The following SCNN1B variants were observed in gnomAD, a reference collection of about 807,000 sequenced individuals.
The protein encoded by SCNN1B is epithelial sodium channel subunit beta.
In SCNN1B, 46 loss-of-function variants were observed where a neutral mutation model predicts 65.3. That is an observed-to-expected ratio of 0.70 (90% CI 0.56 to 0.90). The LOEUF is 0.90. Among genes scored for constraint, SCNN1B ranks in the 40% least tolerant of loss-of-function variants. The probability of loss-of-function intolerance (pLI) is 0.00; values close to 1 mark genes in which losing one functional copy is unlikely to be tolerated. For missense variants in SCNN1B, 751 were observed against 830.5 expected (o/e 0.90, Z 1.18); for synonymous variants, 349 against 330.6 (o/e 1.06, Z -0.60).
At chr16:23,300,381 G>T (rs1961057949), upstream of SCNN1B, among the ~76,000 whole-genome samples, 1 of 151,988 alleles carries the variant, frequency 6.6e-6, no homozygotes, top group Non-Finnish European at 1.5e-5. Context: ...GCAATGGTGG[G>T]TCAAGTTATA....
intron 1 of SCNN1B, among the ~76,000 whole-genome samples, chr16:23,340,301 G>T (rs1962028983): frequency 6.6e-6 from 1 of 151,984 alleles, no homozygotes; most frequent in Non-Finnish European, 1.5e-5. Context: ...ATTCTAATAA[G>T]GTACAATTTA....
intron 1 of SCNN1B, among the ~76,000 whole-genome samples, chr16:23,346,784 G>A (rs1359200304): frequency 6.7e-6 from 1 of 150,012 alleles, no homozygotes; most frequent in African/African-American, 2.5e-5. Flanking sequence ...CTTCTCCAAG[G>A]ACTCTCAGAC....
At position 23,327,114 on chromosome 16, in the gene SCNN1B, G is replaced by A. The variant is rs1024490920; in HGVS notation, c.-8-21478G>A. Among the ~76,000 whole-genome samples the A allele has an allele frequency of 2.6e-5, 4 of 150,946 alleles. No individual in the cohort carries two copies. In the East Asian group the frequency reaches 8.0e-4, roughly 30 times the overall value. ...TTATTTTTTGTAGAGGTGGGATCTC[G>A]CTATATTGCCCTGGATGGTCTCAAA... On this transcript the variant is annotated intron_variant, in intron 1 of 12. Coordinates refer to ENST00000343070, the MANE Select transcript of SCNN1B (RefSeq NM_000336.3).
At position 23,334,026 on chromosome 16, in the gene SCNN1B, G is replaced by C. The variant is rs563932177; in HGVS notation, c.-8-14566G>C. On this transcript the variant is annotated intron_variant, in intron 1 of 12. Transcript: ENST00000343070. Reference sequence around the variant, plus strand: ...GCTGTGCTTGCCTGCGATGTGGATGGGAATTACTCATCACCATGTAAGGTT... The same window carrying C: ...GCTGTGCTTGCCTGCGATGTGGATGCGAATTACTCATCACCATGTAAGGTT... 7.1e-4 allele frequency among the ~76,000 whole-genome samples: 108 copies of C among 152,206 alleles called. 1 individual carries two copies. Among genetic ancestry groups the C allele is most frequent in the African/African-American group, 2.5e-3 (103 of 41,508 alleles).
chr16:23,379,912 G>C (rs1963002710), intron 11 of SCNN1B, among the ~76,000 whole-genome samples, 182 bp from the exon 12 acceptor site: 1 of 152,220 alleles, frequency 6.6e-6, no homozygotes, highest in South Asian at 2.1e-4. Context: ...AGGAGGGCTG[G>C]GGCGGCCATC....
At chr16:23,304,997 G>A (rs1230531343) in intron 1 of SCNN1B, among the ~76,000 whole-genome samples, 1 of 152,048 alleles carries the variant, frequency 6.6e-6, no homozygotes, top group East Asian at 1.9e-4. Context: ...TTGGGTGGTG[G>A]GGGGACGCAG....
chr16:23,353,331 A>G (rs922368438), intron 3 of SCNN1B: 1 of 547,666 alleles, frequency 1.8e-6, no homozygotes, highest in Admixed American at 3.1e-5. Context: ...TAAGAAATCC[A>G]GAGGTATACT....
intron 1 of SCNN1B, among the ~76,000 whole-genome samples, chr16:23,305,553 T>A (rs1486761414): frequency 0.088 from 3,683 of 41,832 alleles, 474 homozygotes; most frequent in African/African-American, 0.21. Flanking sequence ...TATATATATA[T>A]ATATATATAT....
intron 1 of SCNN1B, among the ~76,000 whole-genome samples, chr16:23,333,617 T>C (rs1961874867): frequency 6.6e-6 from 1 of 152,220 alleles, no homozygotes; most frequent in African/African-American, 2.4e-5. Context: ...CCTTATCTTA[T>C]TGAATCCTGA....
Position 23,371,773 on chromosome 16 carries a change from C to T in SCNN1B, c.1045-3C>T. On this transcript the variant is annotated splice_region_variant and splice_polypyrimidine_tract_variant and intron_variant, in intron 6 of 12. Coordinates refer to ENST00000343070, the MANE Select transcript of SCNN1B (RefSeq NM_000336.3). ...CCCCCTCAAGCAACCCCTCTAAACA[C>T]AGGACAAGCTTCAGCGCATGGGGGA... 1 of 1,613,094 alleles carries T rather than the reference C, an allele frequency of 6.2e-7. No homozygotes were observed. The highest frequency in any genetic ancestry group is 1.7e-5 in the Admixed American group (1 of 60,032).
chr16:23,329,171 G>A (rs1961758535), intron 1 of SCNN1B, among the ~76,000 whole-genome samples: 1 of 151,316 alleles, frequency 6.6e-6, no homozygotes, highest in South Asian at 2.1e-4. Flanking sequence ...GAGTGCAATG[G>A]TGCAATCATG....
chr16:23,356,080 C>T (rs563159177), intron 4 of SCNN1B, among the ~76,000 whole-genome samples: 2 of 152,226 alleles, frequency 1.3e-5, no homozygotes, highest in East Asian at 3.9e-4. Context: ...GGGGACCAGC[C>T]TTTCTGCGTG....
chr16:23,279,022 G>C (rs1960745795), intron 1 of SCNN1B, among the ~76,000 whole-genome samples: 1 of 151,706 alleles, frequency 6.6e-6, no homozygotes, highest in African/African-American at 2.4e-5. Flanking sequence ...GAGGGGGCGG[G>C]TGTTGAAAAA....
chr16:23,361,048 C>G lies in SCNN1B; in HGVS notation c.776+5559C>G, dbSNP rs538369089. Among the ~76,000 whole-genome samples, 5 of 152,264 alleles carry G rather than the reference C, an allele frequency of 3.3e-5. No homozygotes were observed. The East Asian group carries it at 9.7e-4, about 29-fold the overall frequency. ...TGACCTCATGATCCACCCGCCTCAGCCTTCCAAAGTGCTGGGATTACAGGC... is the reference window on the plus strand; with the variant it reads ...TGACCTCATGATCCACCCGCCTCAGGCTTCCAAAGTGCTGGGATTACAGGC... On this transcript the variant is annotated intron_variant, in intron 4 of 12. Coordinates refer to ENST00000343070, the MANE Select transcript of SCNN1B (RefSeq NM_000336.3).
chr16:23,347,072 G>A (rs1962205577), intron 1 of SCNN1B, among the ~76,000 whole-genome samples: 2 of 152,120 alleles, frequency 1.3e-5, no homozygotes, highest in Admixed American at 6.6e-5. Context: ...ACTCCAGCCT[G>A]GGTGATAGAG....
chr16:23,314,122 C>T (rs945836962), intron 1 of SCNN1B, among the ~76,000 whole-genome samples: 1 of 152,116 alleles, frequency 6.6e-6, no homozygotes, highest in Admixed American at 6.5e-5. Flanking sequence ...CAGGCTGAAG[C>T]GATCCTCCCA....
chr16:23,299,935 C>G (rs1255394402), upstream of SCNN1B, among the ~76,000 whole-genome samples: 1 of 152,150 alleles, frequency 6.6e-6, no homozygotes, highest in Non-Finnish European at 1.5e-5. Context: ...AGACTTGGAA[C>G]CAACCCAAAT....
chr16:23,371,028 G>A (rs1189929125), intron 5 of SCNN1B, among the ~76,000 whole-genome samples: 1 of 152,228 alleles, frequency 6.6e-6, no homozygotes, highest in East Asian at 1.9e-4. Context: ...GCCATGCTAT[G>A]CCTCCTTGAT....
At chr16:23,320,205 G>A (rs75268706) in intron 1 of SCNN1B, among the ~76,000 whole-genome samples, 2,315 of 152,260 alleles carry the variant, frequency 0.015, 60 homozygotes, top group African/African-American at 0.049. Flanking sequence ...GTAAGGTGGC[G>A]GGCTGGTGGT....
Sources: allele counts gnomAD v4.1 joint callset (sites outside exome capture counted in the v4.1 genomes callset), GRCh38; gene constraint gnomAD v4.1.1; transcripts MANE v1.5; gene names NCBI Gene and HGNC (gene_info 2026-07-23, HGNC 2026-07-21).